Variants in HEMGN observed in about 807,000 individuals in gnomAD.
HEMGN encodes erythroid differentiation-associated gene protein.
Under a neutral mutation model 45.7 loss-of-function variants are expected in HEMGN, and 32 were observed. The ratio of observed to expected loss-of-function variants is 0.70; its 90% CI spans 0.53 to 0.94. The LOEUF is 0.94. Ranked by LOEUF, HEMGN falls within the 40% of genes least tolerant of loss-of-function variation. The pLI is 0.00. For synonymous variants in HEMGN, 183 were observed against 178.6 expected, an observed-to-expected ratio of 1.02 and a Z score of -0.20; for missense variants, 530 against 564.2, an observed-to-expected ratio of 0.94 and a Z score of 0.61.
chr9:97,935,101 C>A lies in HEMGN; in HGVS notation c.173+1070G>T, dbSNP rs139094490. On this transcript the variant is annotated intron_variant, in intron 2 of 3. Transcript: ENST00000616898. ...CCAGCTGAAAGCTTTAATTCTCTTC[C>A]CACTATTCTGCTTTCTTCTGACTAG... Among the ~76,000 whole-genome samples, 791 of 152,296 alleles carry A rather than the reference C, an allele frequency of 5.2e-3. 9 individuals are homozygous for A. Among genetic ancestry groups the A allele is most frequent in the African/African-American group, 0.018 (753 of 41,568 alleles).
intron 1 of HEMGN, among the ~76,000 whole-genome samples, chr9:97,943,857 C>T (rs1348797306): frequency 6.6e-6 from 1 of 152,140 alleles, no homozygotes; most frequent in African/African-American, 2.4e-5. Flanking sequence ...ATCCAGTGGT[C>T]CATTCTCAGT....
At chr9:97,938,619 T>TAC (rs1827107129), upstream of HEMGN, among the ~76,000 whole-genome samples, 1 of 152,198 alleles carries the variant, frequency 6.6e-6, no homozygotes, top group Non-Finnish European at 1.5e-5. Flanking sequence ...ATAATTCCTG[T>TAC]CTTGCCTACT....
At position 97,930,894 on chromosome 9, in the gene HEMGN, A is replaced by C. The variant is rs1212188549; in HGVS notation, c.501T>G (p.Ser167=). 1.9e-6 allele frequency: 3 copies of C among 1,614,048 alleles called. No individual in the cohort carries two copies. Among genetic ancestry groups the C allele is most frequent in the East Asian group, 2.2e-5 (1 of 44,900 alleles). The change falls in exon 3 of 4, where the codon TCT becomes TCG. Residue 167 remains serine, a synonymous_variant. Transcript: ENST00000616898. ...NHSSETCQHV[S]EPEDLSPKMY... is the part of the protein sequence containing the mutation. ...TTTTAGGAGAGAGGTCTTCAGGTTC[A>C]GACACATGTTGGCATGTTTCAGAAG...
Position 97,927,154 on chromosome 9 carries a change from G to A in HEMGN, c.*230C>T, listed in dbSNP as rs1435959546. On this transcript the variant is annotated 3_prime_UTR_variant, in exon 4 of 4. Transcript: ENST00000616898. ...CTGTTCCCACCACTATCCTCTCCCC[G>A]ACCTATACATACATACACACACACA... 7 of 315,404 alleles carry A rather than the reference G, an allele frequency of 2.2e-5. No individual in the cohort carries two copies. Among genetic ancestry groups the A allele is most frequent in the African/African-American group, 1.2e-4 (5 of 40,884 alleles). 19.5% of individuals were successfully genotyped at this position (315,404 alleles called of 1,614,324 possible).
intron 1 of HEMGN, among the ~76,000 whole-genome samples, chr9:97,936,956 C>A (rs72753572): frequency 0.18 from 27,315 of 151,848 alleles, 3,169 homozygotes; most frequent in Non-Finnish European, 0.26. Flanking sequence ...AAAGTTTCTG[C>A]TGCTGTCTAA....
At chr9:97,938,274 A>C (rs1165474885), upstream of HEMGN, 1 of 638,472 alleles carries the variant, frequency 1.6e-6, no homozygotes, top group Non-Finnish European at 2.8e-6. Flanking sequence ...CTTCCCGCCT[A>C]AAAGTTTTAT....
At chr9:97,942,146 T>C (rs1158310118), upstream of HEMGN, among the ~76,000 whole-genome samples, 1 of 152,196 alleles carries the variant, frequency 6.6e-6, no homozygotes, top group Admixed American at 6.5e-5. Flanking sequence ...ATAGCTATTA[T>C]TGTCCTCATT....
At chr9:97,938,603 G>T (rs773636052), upstream of HEMGN, among the ~76,000 whole-genome samples, 1 of 152,172 alleles carries the variant, frequency 6.6e-6, no homozygotes, top group African/African-American at 2.4e-5. Flanking sequence ...TTTGCAAAAT[G>T]GGTAAATAAT....
Position 97,938,038 on chromosome 9 carries a change from C to G in HEMGN, c.79+20G>C. ...GAATTCTTCTCAACAGCCACCAGCT[C>G]TTAAGGTATTTTTCATTACCTGGAG... On this transcript the variant is annotated intron_variant, in intron 1 of 3. Transcript: ENST00000616898. 1 of 1,514,272 alleles carries G rather than the reference C, an allele frequency of 6.6e-7. No individual in the cohort carries two copies. Among genetic ancestry groups the G allele is most frequent in the Non-Finnish European group, 9.1e-7 (1 of 1,094,556 alleles). The allele number at this position is 1,514,272 out of a possible 1,614,324, so 93.8% of individuals were successfully genotyped here. A position where few individuals can be genotyped will look rare whatever the true frequency, so the allele number is the denominator to read the frequency against.
intron 1 of HEMGN, among the ~76,000 whole-genome samples, chr9:97,937,467 T>C (rs1415990985): frequency 1.3e-5 from 2 of 152,144 alleles, no homozygotes; most frequent in Non-Finnish European, 2.9e-5. Context: ...ACCTACTGGC[T>C]ATGACTTATT....
At chr9:97,934,407 G>C (rs1827016213) in intron 2 of HEMGN, among the ~76,000 whole-genome samples, 1 of 130,532 alleles carries the variant, frequency 7.7e-6, no homozygotes, top group African/African-American at 2.8e-5. Context: ...GAGGAGAGGG[G>C]AGGAGAGAGG....
intron 2 of HEMGN, among the ~76,000 whole-genome samples, chr9:97,932,306 A>G (rs1037906778): frequency 3.9e-5 from 6 of 152,208 alleles, no homozygotes; most frequent in African/African-American, 1.4e-4. Context: ...ATATTTAAAA[A>G]AAGTATACCC....
At position 97,926,803 on chromosome 9, in the gene HEMGN, T is replaced by C. The variant is rs1176051244; in HGVS notation, c.*581A>G. On this transcript the variant is annotated 3_prime_UTR_variant, in exon 4 of 4. Transcript: ENST00000616898. ...GGTATCCACACAGTTAAGCATGTAA[T>C]AATGATTTAATGTACATTGTGCACA... The C allele has an allele frequency of 6.6e-6, 1 of 152,662 alleles. No homozygotes were observed. Among genetic ancestry groups the C allele is most frequent in the East Asian group, 1.9e-4 (1 of 5,200 alleles). The allele number at this position is 152,662 out of a possible 1,614,324, so 9.5% of individuals were successfully genotyped here. A position where few individuals can be genotyped will look rare whatever the true frequency, so the allele number is the denominator to read the frequency against.
At chr9:97,933,829 T>C (rs1827002250) in intron 2 of HEMGN, among the ~76,000 whole-genome samples, 1 of 152,118 alleles carries the variant, frequency 6.6e-6, no homozygotes. Context: ...TATAGAGATG[T>C]ATCACCAGAG....
chr9:97,938,476 G>A (rs910639466), upstream of HEMGN: 5 of 191,280 alleles, frequency 2.6e-5, no homozygotes, highest in African/African-American at 9.3e-5. Context: ...GGAAGTGTCT[G>A]GATCCGATGT....
chr9:97,933,475 C>T (rs1826995433), intron 2 of HEMGN, among the ~76,000 whole-genome samples: 1 of 152,118 alleles, frequency 6.6e-6, no homozygotes, highest in Non-Finnish European at 1.5e-5. Flanking sequence ...ATACATTATC[C>T]ACCTGCAGGC....
At chr9:97,929,155 C>T (rs1011307990) in intron 3 of HEMGN, among the ~76,000 whole-genome samples, 2 of 152,220 alleles carry the variant, frequency 1.3e-5, no homozygotes, top group Non-Finnish European at 2.9e-5. Context: ...AATCAGGACG[C>T]TGTGTTGGTT....
At chr9:97,934,673 T>C (rs1251051372) in intron 2 of HEMGN, among the ~76,000 whole-genome samples, 3 of 152,120 alleles carry the variant, frequency 2.0e-5, no homozygotes, top group Non-Finnish European at 2.9e-5. Flanking sequence ...AACCTCACTT[T>C]CTGCAAAATC....
intron 1 of HEMGN, 115 bp from the exon 2 acceptor site, chr9:97,936,379 G>A: frequency 2.9e-6 from 2 of 701,194 alleles, no homozygotes; most frequent in East Asian, 2.5e-5. Context: ...GCTTTTTGAG[G>A]ACAAGGACTG....
Sources: gnomAD v4.1 joint callset for allele counts (sites outside exome capture counted in the v4.1 genomes callset) on GRCh38, gnomAD v4.1.1 for gene constraint, MANE v1.5 for transcripts, NCBI Gene and HGNC (gene_info 2026-07-23, HGNC 2026-07-21) for gene names.